The following SLC16A10 variants were observed in gnomAD, a reference collection of about 807,000 sequenced individuals.
SLC16A10 encodes the protein monocarboxylate transporter 10.
Under a neutral mutation model 40.0 loss-of-function variants are expected in SLC16A10, and 27 were observed. The ratio of observed to expected loss-of-function variants is 0.67; its 90% CI spans 0.50 to 0.93. SLC16A10 has a LOEUF of 0.93. Among genes scored for constraint, SLC16A10 ranks in the 40% least tolerant of loss-of-function variants. The probability of loss-of-function intolerance (pLI) is 0.00; values close to 1 mark genes in which losing one functional copy is unlikely to be tolerated. For missense variants in SLC16A10, 529 were observed against 658.2 expected (o/e 0.80, Z 2.15); for synonymous variants, 213 against 249.8 (o/e 0.85, Z 1.39).
At chr6:111,098,934 T>A (rs1193792990) in intron 1 of SLC16A10, among the ~76,000 whole-genome samples, 2 of 152,240 alleles carry the variant, frequency 1.3e-5, no homozygotes, top group Non-Finnish European at 2.9e-5. Flanking sequence ...TTTTTAGGAA[T>A]AAATGATAAA....
At chr6:111,111,087 T>G (rs759887843) in intron 1 of SLC16A10, among the ~76,000 whole-genome samples, 12 of 152,186 alleles carry the variant, frequency 7.9e-5, no homozygotes, top group Non-Finnish European at 1.5e-4. Context: ...TAATGCAGTC[T>G]GCTCTAATAC....
At chr6:111,128,032 G>A (rs1387121284) in intron 1 of SLC16A10, among the ~76,000 whole-genome samples, 1 of 152,120 alleles carries the variant, frequency 6.6e-6, no homozygotes, top group Admixed American at 6.6e-5. Flanking sequence ...TTTGCTCTGA[G>A]GCTTTAGACT....
intron 1 of SLC16A10, among the ~76,000 whole-genome samples, chr6:111,100,471 C>G (rs904575063): frequency 6.6e-6 from 1 of 152,046 alleles, no homozygotes; most frequent in Non-Finnish European, 1.5e-5. Context: ...TCACTGCAAT[C>G]TCTGCCTCCC....
chr6:111,200,883 A>G (rs2114577504), intron 3 of SLC16A10, among the ~76,000 whole-genome samples: 1 of 152,358 alleles, frequency 6.6e-6, no homozygotes, highest in East Asian at 1.9e-4. Context: ...AAAATGCAGT[A>G]AATGAGAAGC....
intron 1 of SLC16A10, among the ~76,000 whole-genome samples, chr6:111,095,271 G>A (rs1278779579): frequency 6.6e-6 from 1 of 152,172 alleles, no homozygotes; most frequent in Non-Finnish European, 1.5e-5. Flanking sequence ...TGTCTTCAGT[G>A]CGATGGTTGG....
chr6:111,159,067 C>CAAAAAAAAAAAA (rs548809670), intron 1 of SLC16A10, among the ~76,000 whole-genome samples: 1 of 23,404 alleles, frequency 4.3e-5, no homozygotes, highest in Non-Finnish European at 8.1e-5. Flanking sequence ...GACCCTGACT[C>CAAAAAAAAAAAA]AAAAAAAAAA....
chr6:111,109,888 A>G (rs116328686), intron 1 of SLC16A10, among the ~76,000 whole-genome samples: 13 of 152,206 alleles, frequency 8.5e-5, no homozygotes, highest in African/African-American at 3.1e-4. Flanking sequence ...TCTTTTGTAC[A>G]TTAAATTTAA....
chr6:111,218,541 T>C, intron 4 of SLC16A10, among the ~76,000 whole-genome samples: 1 of 152,182 alleles, frequency 6.6e-6, no homozygotes, highest in East Asian at 1.9e-4. Context: ...ATCACACCAC[T>C]GCACTCCAGC....
chr6:111,186,718 C>T (rs1772904097), intron 3 of SLC16A10, among the ~76,000 whole-genome samples: 1 of 152,182 alleles, frequency 6.6e-6, no homozygotes, highest in Non-Finnish European at 1.5e-5. Context: ...AGGGGCTGTA[C>T]ATTGCTGATG....
intron 3 of SLC16A10, among the ~76,000 whole-genome samples, chr6:111,185,992 C>G (rs368761060): frequency 3.3e-5 from 5 of 151,860 alleles, no homozygotes; most frequent in African/African-American, 1.2e-4. Context: ...TTCGACCTCC[C>G]GGACTCAAGC....
intron 1 of SLC16A10, among the ~76,000 whole-genome samples, chr6:111,150,262 T>TA (rs1772149923): frequency 6.6e-6 from 1 of 152,248 alleles, no homozygotes; most frequent in African/African-American, 2.4e-5. Context: ...TATAATGCAG[T>TA]AGTAACGCCC....
chr6:111,145,130 C>T (rs1772053707), intron 1 of SLC16A10, among the ~76,000 whole-genome samples: 1 of 151,852 alleles, frequency 6.6e-6, no homozygotes, highest in Non-Finnish European at 1.5e-5. Context: ...CTGCACCTGG[C>T]CATCTTAATT....
chr6:111,202,037 G>C (rs1773175449), intron 3 of SLC16A10, among the ~76,000 whole-genome samples: 2 of 152,232 alleles, frequency 1.3e-5, no homozygotes, highest in Non-Finnish European at 2.9e-5. Context: ...CCCTGTAAGA[G>C]AGGTGGAGAG....
intron 3 of SLC16A10, among the ~76,000 whole-genome samples, chr6:111,180,517 C>G (rs1772770001): frequency 6.6e-6 from 1 of 152,114 alleles, no homozygotes; most frequent in Non-Finnish European, 1.5e-5. Flanking sequence ...CGACTGCACT[C>G]CAGCCTGGGT....
At chr6:111,131,016 T>A (rs1212383908) in intron 1 of SLC16A10, among the ~76,000 whole-genome samples, 1 of 152,268 alleles carries the variant, frequency 6.6e-6, no homozygotes, top group African/African-American at 2.4e-5. Flanking sequence ...GTGACTGACT[T>A]GGGCTACCCC....
At chr6:111,178,568 A>G in intron 3 of SLC16A10, 1 of 345,896 alleles carries the variant, frequency 2.9e-6, no homozygotes, top group South Asian at 2.3e-5. Context: ...AAAAAAAAAA[A>G]AGAAGGAAGA....
chr6:111,192,281 G>A lies in SLC16A10; in HGVS notation c.943-14311G>A, dbSNP rs188656239. On this transcript the variant is annotated intron_variant, in intron 3 of 5. Transcript: ENST00000368851. ...GTTCAAAGTTCCACAGATCTCTAGG[G>A]CAGGGACAAAATGCCACCAGTCTCT... Among the ~76,000 whole-genome samples the A allele has an allele frequency of 3.3e-5, 5 of 152,222 alleles. No individual in the cohort carries two copies. The East Asian group carries it at 9.6e-4, about 29-fold the overall frequency.
intron 3 of SLC16A10, among the ~76,000 whole-genome samples, chr6:111,189,404 A>G (rs1321953670): frequency 1.3e-5 from 2 of 152,216 alleles, no homozygotes; most frequent in Admixed American, 6.5e-5. Flanking sequence ...GCCAATCAAG[A>G]GTTGGATTTT....
chr6:111,190,733 A>G (rs944311702), intron 3 of SLC16A10, among the ~76,000 whole-genome samples: 4 of 152,228 alleles, frequency 2.6e-5, no homozygotes, highest in Middle Eastern at 3.2e-3. Context: ...CCTTTTAGCC[A>G]TGGCTGGTGC....
Sources: gnomAD v4.1 joint callset for allele counts (sites outside exome capture counted in the v4.1 genomes callset) on GRCh38, gnomAD v4.1.1 for gene constraint, MANE v1.5 for transcripts, NCBI Gene and HGNC (gene_info 2026-07-23, HGNC 2026-07-21) for gene names.